The following FGF12 variants were observed in gnomAD, a reference collection of about 807,000 sequenced individuals.
FGF12 encodes fibroblast growth factor 12.
Under a neutral mutation model 23.6 loss-of-function variants are expected in FGF12, and 14 were observed. That is an observed-to-expected ratio of 0.59 (90% CI 0.39 to 0.93). FGF12 has a LOEUF of 0.93. FGF12 is among the 40% of genes least tolerant of loss of function. The pLI, the probability that FGF12 is intolerant of heterozygous loss-of-function variation, is 0.00. For missense variants in FGF12, 175 were observed against 217.8 expected, an observed-to-expected ratio of 0.80 and a Z score of 1.24; for synonymous variants, 62 against 77.3, an observed-to-expected ratio of 0.80 and a Z score of 1.04.
chr3:192,177,907 T>A (rs1309219236), intron 4 of FGF12, among the ~76,000 whole-genome samples: 1 of 152,220 alleles, frequency 6.6e-6, no homozygotes, highest in Non-Finnish European at 1.5e-5. Context: ...TTTTCCTTCA[T>A]AACTTGACCC....
intron 2 of FGF12, among the ~76,000 whole-genome samples, chr3:192,689,285 C>T (rs1359094612): frequency 1.3e-5 from 2 of 152,012 alleles, no homozygotes; most frequent in Non-Finnish European, 2.9e-5. Flanking sequence ...GTGATGTATA[C>T]CCTAAATATC....
chr3:192,173,146 G>A (rs937182652), intron 4 of FGF12, among the ~76,000 whole-genome samples: 7 of 150,784 alleles, frequency 4.6e-5, no homozygotes, highest in African/African-American at 1.7e-4. Context: ...AGGTGAGAGG[G>A]ATAAGGGTGG....
At chr3:192,158,383 T>TTC (rs1553844144) in intron 5 of FGF12, among the ~76,000 whole-genome samples, 1,837 of 85,646 alleles carry the variant, frequency 0.021, 47 homozygotes, top group Non-Finnish European at 0.022. Context: ...TCTTTCTTTC[T>TTC]TTTCTTTCTC....
At chr3:192,622,662 T>G (rs1715015812) in intron 2 of FGF12, among the ~76,000 whole-genome samples, 1 of 152,226 alleles carries the variant, frequency 6.6e-6, no homozygotes, top group South Asian at 2.1e-4. Flanking sequence ...CATACCGTTT[T>G]GAACATTAAA....
intron 2 of FGF12, among the ~76,000 whole-genome samples, chr3:192,415,140 T>C (rs2108780551): frequency 6.6e-6 from 1 of 152,274 alleles, no homozygotes; most frequent in Admixed American, 6.5e-5. Context: ...GTTTGGCTTA[T>C]ACCACCTAGG....
intron 2 of FGF12, among the ~76,000 whole-genome samples, chr3:192,652,642 G>T (rs1283616710): frequency 6.6e-6 from 1 of 152,154 alleles, no homozygotes; most frequent in African/African-American, 2.4e-5. Flanking sequence ...AAATTCTCAG[G>T]CTAGTGTCAC....
At chr3:192,493,036 A>C (rs1723847164) in intron 2 of FGF12, among the ~76,000 whole-genome samples, 1 of 150,540 alleles carries the variant, frequency 6.6e-6, no homozygotes, top group African/African-American at 2.5e-5. Context: ...GGCTCAAGTA[A>C]TCCACCCTTA....
At chr3:192,587,805 G>A (rs1045007584) in intron 2 of FGF12, among the ~76,000 whole-genome samples, 1 of 151,850 alleles carries the variant, frequency 6.6e-6, no homozygotes, top group Admixed American at 6.6e-5. Context: ...GGGTGACACA[G>A]GGAGACCCTC....
At chr3:192,170,818 T>A (rs1460539013) in intron 4 of FGF12, among the ~76,000 whole-genome samples, 162 bp from the exon 5 acceptor site, 1 of 152,212 alleles carries the variant, frequency 6.6e-6, no homozygotes, top group Non-Finnish European at 1.5e-5. Flanking sequence ...AGATTCATCA[T>A]ACAAAATCAA....
intron 2 of FGF12, among the ~76,000 whole-genome samples, chr3:192,578,081 G>C (rs933869462): frequency 1.3e-5 from 2 of 152,134 alleles, no homozygotes; most frequent in East Asian, 3.8e-4. Flanking sequence ...AAAGATAATC[G>C]TGTTCTCTAT....
At chr3:192,671,802 CAT>C (rs1553845947) in intron 2 of FGF12, among the ~76,000 whole-genome samples, 38 of 151,276 alleles carry the variant, frequency 2.5e-4, no homozygotes, top group Admixed American at 1.3e-4. Flanking sequence ...CACACACACA[CAT>C]ACACACACAC....
At chr3:192,202,868 C>T (rs931235869) in intron 4 of FGF12, among the ~76,000 whole-genome samples, 1 of 151,948 alleles carries the variant, frequency 6.6e-6, no homozygotes, top group African/African-American at 2.4e-5. Context: ...CTGATAAAGA[C>T]TGAAAAAAAT....
chr3:192,494,051 T>C (rs905519516), intron 2 of FGF12, among the ~76,000 whole-genome samples: 29 of 152,198 alleles, frequency 1.9e-4, no homozygotes. Flanking sequence ...AGAAATCAAA[T>C]GGCAAGTTTC....
At chr3:192,286,534 T>A (rs1454469144) in intron 4 of FGF12, among the ~76,000 whole-genome samples, 1 of 152,020 alleles carries the variant, frequency 6.6e-6, no homozygotes, top group Non-Finnish European at 1.5e-5. Context: ...GTTTCACATA[T>A]GCTTACAAAT....
At chr3:192,508,086 G>A (rs1289471087) in intron 2 of FGF12, among the ~76,000 whole-genome samples, 1 of 152,204 alleles carries the variant, frequency 6.6e-6, no homozygotes, top group South Asian at 2.1e-4. Flanking sequence ...TAAAGACCAT[G>A]CAATCGCATC....
rs546170890 is a variant in FGF12, at chr3:192,236,634, G to C, written c.229-65978C>G. ...TTATTTGTCCCTTTTGATCACTGTTGGCTTAAAGTCTGTTTTATCTGAAAT... is the reference window on the plus strand; with the variant it reads ...TTATTTGTCCCTTTTGATCACTGTTCGCTTAAAGTCTGTTTTATCTGAAAT... On this transcript the variant is annotated intron_variant, in intron 4 of 5. Transcript: ENST00000445105. Among the ~76,000 whole-genome samples the C allele has an allele frequency of 2.0e-5, 3 of 152,170 alleles. No homozygotes were observed. In the East Asian group the frequency reaches 5.8e-4, roughly 29 times the overall value.
intron 4 of FGF12, among the ~76,000 whole-genome samples, chr3:192,257,070 T>C (rs1168867750): frequency 6.6e-6 from 1 of 152,182 alleles, no homozygotes; most frequent in Non-Finnish European, 1.5e-5. Flanking sequence ...TTTGTAAAAC[T>C]GTAAGAGCAA....
chr3:192,268,181 A>G (rs1481293084), intron 4 of FGF12, among the ~76,000 whole-genome samples: 1 of 152,180 alleles, frequency 6.6e-6, no homozygotes, highest in East Asian at 1.9e-4. Flanking sequence ...ATCATAGGCT[A>G]GAGGATTACA....
intron 4 of FGF12, among the ~76,000 whole-genome samples, chr3:192,303,337 G>T (rs748062021): frequency 1.3e-5 from 2 of 152,134 alleles, no homozygotes; most frequent in African/African-American, 4.8e-5. Context: ...GTTAGGATAC[G>T]TCCCTTTTCT....
Sources: gnomAD v4.1 joint callset for allele counts (sites outside exome capture counted in the v4.1 genomes callset) on GRCh38, gnomAD v4.1.1 for gene constraint, MANE v1.5 for transcripts, NCBI Gene and HGNC (gene_info 2026-07-23, HGNC 2026-07-21) for gene names.